Variants in KLHL5 observed in about 807,000 individuals in gnomAD.
KLHL5 encodes kelch-like protein 5.
A neutral mutation model predicts 77.7 loss-of-function variants in KLHL5; 48 were observed. The ratio of observed to expected loss-of-function variants is 0.62; its 90% confidence interval spans 0.49 to 0.79. The LOEUF (loss-of-function observed/expected upper bound fraction) is 0.79. Among genes scored for constraint, KLHL5 ranks in the 30% least tolerant of loss-of-function variants. KLHL5 has a pLI of 0.00. For synonymous variants in KLHL5, 260 were observed against 297.0 expected (o/e 0.88, Z 1.28); for missense variants, 723 against 859.7 (o/e 0.84, Z 1.99).
the KLHL5 span, among the ~76,000 whole-genome samples, chr4:39,132,334 C>T: frequency 6.6e-6 from 1 of 152,122 alleles, no homozygotes; most frequent in African/African-American, 2.4e-5. Context: ...CTAAACTGGG[C>T]GTGTTGGCTC....
chr4:39,061,861 T>C (rs1489498727), upstream of KLHL5, among the ~76,000 whole-genome samples: 1 of 152,220 alleles, frequency 6.6e-6, no homozygotes, highest in East Asian at 1.9e-4. Context: ...TTTCAAACTT[T>C]TTATTCTCCT....
intron 6 of KLHL5, among the ~76,000 whole-genome samples, chr4:39,101,977 CATATAT>C (rs10565740): frequency 1.6e-4 from 24 of 145,774 alleles, no homozygotes; most frequent in Admixed American, 2.1e-4. Context: ...TATATGTATA[CATATAT>C]ATATATATAT....
intron 8 of KLHL5, among the ~76,000 whole-genome samples, chr4:39,110,228 G>A (rs1213892888): frequency 6.6e-6 from 1 of 152,154 alleles, no homozygotes; most frequent in Non-Finnish European, 1.5e-5. Context: ...AAGTGCTGAA[G>A]AACAGAAGAA....
chr4:39,096,626 A>AT, intron 5 of KLHL5, 66 bp from the exon 6 acceptor site: 3 of 1,147,740 alleles, frequency 2.6e-6, no homozygotes, highest in Non-Finnish European at 3.7e-6. Flanking sequence ...GAACTATGTC[A>AT]TTTTTTTCTG....
chr4:39,130,290 T>C (rs1289276684), downstream of KLHL5, among the ~76,000 whole-genome samples: 2 of 152,144 alleles, frequency 1.3e-5, no homozygotes, highest in African/African-American at 4.8e-5. Flanking sequence ...ATTAAAGGAA[T>C]AGGTTGGGCT....
chr4:39,075,202 A>G (rs1212144081), intron 1 of KLHL5, among the ~76,000 whole-genome samples: 1 of 152,050 alleles, frequency 6.6e-6, no homozygotes, highest in Non-Finnish European at 1.5e-5. Flanking sequence ...GTGGTGGTGC[A>G]AGCCTGTAAT....
intron 1 of KLHL5, among the ~76,000 whole-genome samples, chr4:39,048,048 G>T (rs1716330933): frequency 6.6e-6 from 1 of 152,180 alleles, no homozygotes; most frequent in East Asian, 1.9e-4. Flanking sequence ...TGGGTACTGG[G>T]TAGTAGAAAA....
At chr4:39,136,915 G>C in the KLHL5 span, among the ~76,000 whole-genome samples, 50 of 152,286 alleles carry the variant, frequency 3.3e-4, no homozygotes, top group Non-Finnish European at 5.6e-4. Context: ...GAGAGTGAGA[G>C]CCAAGCAGGA....
intron 1 of KLHL5, among the ~76,000 whole-genome samples, chr4:39,067,865 T>C (rs1445847507): frequency 1.3e-5 from 2 of 152,032 alleles, no homozygotes; most frequent in East Asian, 3.9e-4. Context: ...GTATTTTTAG[T>C]AGAGATGGGG....
intron 8 of KLHL5, 55 bp from the exon 9 acceptor site, chr4:39,112,965 G>T: frequency 1.3e-6 from 2 of 1,492,022 alleles, no homozygotes; most frequent in Non-Finnish European, 1.9e-6. Flanking sequence ...GAGCCTCTTT[G>T]TTCTAAGCAT....
intron 10 of KLHL5, chr4:39,115,670 C>G: frequency 7.8e-7 from 1 of 1,284,966 alleles, no homozygotes; most frequent in African/African-American, 1.5e-5. Flanking sequence ...GGATAGTAGT[C>G]AGAAAACTTT....
intron 4 of KLHL5, among the ~76,000 whole-genome samples, chr4:39,084,396 A>G (rs548689583): frequency 6.6e-6 from 1 of 152,368 alleles, no homozygotes; most frequent in African/African-American, 2.4e-5. Flanking sequence ...TATGATTACA[A>G]CTATTTAATG....
chr4:39,077,705 A>C (rs1327509142), intron 2 of KLHL5, among the ~76,000 whole-genome samples: 5 of 150,562 alleles, frequency 3.3e-5, no homozygotes, highest in East Asian at 3.9e-4. Flanking sequence ...AAAAAAAAAA[A>C]AAAACAAAAA....
intron 4 of KLHL5, among the ~76,000 whole-genome samples, chr4:39,085,902 A>C (rs1282544078): frequency 2.0e-5 from 3 of 152,140 alleles, no homozygotes; most frequent in African/African-American, 7.2e-5. Flanking sequence ...ACAGACCCAA[A>C]ATCCTAGATG....
rs2890659 is a variant in KLHL5, at chr4:39,125,401, T to C, written c.*4335T>C. 0.53 allele frequency among the ~76,000 whole-genome samples: 80,194 copies of C among 151,964 alleles called. 21,715 individuals are homozygous for C. The highest frequency in any genetic ancestry group is 0.59 in the Non-Finnish European group (40,421 of 67,962). ...CAAAAACTTTCACGCAAATATTCAT[T>C]GCAGCACTAGTCACAGTAGCCAAAA... On this transcript the variant is annotated 3_prime_UTR_variant, in exon 11 of 11. Coordinates refer to ENST00000504108, the MANE Select transcript of KLHL5 (RefSeq NM_015990.5).
At chr4:39,096,927 T>C (rs761615754) in intron 6 of KLHL5, 49 bp downstream of exon 6, 2 of 1,467,638 alleles carry the variant, frequency 1.4e-6, no homozygotes, top group Non-Finnish European at 1.9e-6. Context: ...GAAAAAGATA[T>C]TTTAATAAGT....
intron 5 of KLHL5, among the ~76,000 whole-genome samples, chr4:39,096,193 A>AAAAG (rs528604052): frequency 0.015 from 2,215 of 152,234 alleles, 53 homozygotes; most frequent in African/African-American, 0.051. Flanking sequence ...AGGGATTTTA[A>AAAAG]TGTTTTTAGA....
In KLHL5 at chr4:39,062,542, A is replaced by T. The variant is rs2711941; in HGVS notation, c.-111A>T. 487 of 1,610,772 alleles carry T rather than the reference A, an allele frequency of 3.0e-4. No homozygotes were observed. The highest frequency in any genetic ancestry group is 4.0e-4 in the Non-Finnish European group (472 of 1,177,538). ...GAATGTGATTTATTTTCCTTTACAT[A>T]TTTTTGTTGTGTACAGCAGGGCATA... On this transcript the variant is annotated 5_prime_UTR_variant, in exon 1 of 11. Coordinates refer to ENST00000504108, the MANE Select transcript of KLHL5 (RefSeq NM_015990.5).
chr4:39,130,492 T>G (rs537896738), downstream of KLHL5, among the ~76,000 whole-genome samples: 1 of 152,316 alleles, frequency 6.6e-6, no homozygotes, highest in East Asian at 1.9e-4. Context: ...GCAGAGATTT[T>G]ATTTATGGCC....
Sources: gnomAD v4.1 joint callset for allele counts (sites outside exome capture counted in the v4.1 genomes callset) on GRCh38, gnomAD v4.1.1 for gene constraint, MANE v1.5 for transcripts, NCBI Gene and HGNC (gene_info 2026-07-23, HGNC 2026-07-21) for gene names.